Variants in PTPRT observed in about 807,000 individuals in gnomAD.
PTPRT encodes the protein receptor-type tyrosine-protein phosphatase T.
In PTPRT, 56 loss-of-function variants were observed where a neutral mutation model predicts 176.8. The observed-to-expected ratio is 0.32, with a 90% CI of 0.26 to 0.40. PTPRT has a LOEUF of 0.40. Ranked by LOEUF, PTPRT falls within the 10% of genes least tolerant of loss-of-function variation. PTPRT has a pLI of 1.00. For synonymous variants in PTPRT, 783 were observed against 739.0 expected, an observed-to-expected ratio of 1.06 and a Z score of -0.96; for missense variants, 1,540 against 1,908.2, an observed-to-expected ratio of 0.81 and a Z score of 3.60.
chr20:42,725,961 C>T (rs1443212972), intron 6 of PTPRT, among the ~76,000 whole-genome samples: 1 of 151,876 alleles, frequency 6.6e-6, no homozygotes, highest in Non-Finnish European at 1.5e-5. Flanking sequence ...TATAATTTGC[C>T]CACCTCAAAA....
intron 7 of PTPRT, among the ~76,000 whole-genome samples, chr20:42,514,243 G>A (rs1160875728): frequency 1.3e-5 from 2 of 152,172 alleles, no homozygotes; most frequent in Admixed American, 1.3e-4. Context: ...GATCCTGCAT[G>A]TATCGGCACC....
intron 2 of PTPRT, among the ~76,000 whole-genome samples, chr20:42,819,484 C>A (rs780619075): frequency 2.0e-5 from 3 of 152,154 alleles, no homozygotes; most frequent in Admixed American, 1.3e-4. Flanking sequence ...TATGGAGGAA[C>A]TGCATCAACT....
intron 1 of PTPRT, among the ~76,000 whole-genome samples, chr20:43,037,070 C>T (rs1600665615): frequency 1.3e-5 from 2 of 152,162 alleles, no homozygotes; most frequent in Admixed American, 6.5e-5. Context: ...AGGTGAATTG[C>T]CAAATTCAAT....
At chr20:42,469,198 A>G (rs2071151294) in intron 8 of PTPRT, among the ~76,000 whole-genome samples, 1 of 151,878 alleles carries the variant, frequency 6.6e-6, no homozygotes, top group Admixed American at 6.6e-5. Context: ...TAAGATAAGT[A>G]CTTTAATTAT....
At chr20:42,688,285 C>A (rs2075733392) in intron 6 of PTPRT, 1 of 152,250 alleles carries the variant, frequency 6.6e-6, no homozygotes, top group Non-Finnish European at 1.5e-5. Context: ...GGCACAGTAT[C>A]TTTCTGAAGG....
intron 7 of PTPRT, among the ~76,000 whole-genome samples, chr20:42,602,292 C>A (rs570332985): frequency 2.0e-4 from 30 of 152,264 alleles, no homozygotes; most frequent in Admixed American, 1.8e-3. Context: ...CCTAAAAGCT[C>A]CTGCAAGTCT....
In PTPRT at chr20:42,141,116, T is replaced by C. The variant is rs188393455; in HGVS notation, c.2770+799A>G. 1.1e-4 allele frequency among the ~76,000 whole-genome samples: 17 copies of C among 152,260 alleles called. No homozygotes were observed. The East Asian group carries it at 3.3e-3, about 30-fold the overall frequency. ...AAAGCTCATTGTTGAGCAAAGGCAA[T>C]GTCCTTCCTTAGCTCTGCGTAACAT... On this transcript the variant is annotated intron_variant, in intron 18 of 30. Coordinates refer to ENST00000373187, the MANE Select transcript of PTPRT (RefSeq NM_007050.6).
At chr20:42,545,230 A>G (rs775124318) in intron 7 of PTPRT, among the ~76,000 whole-genome samples, 1 of 152,204 alleles carries the variant, frequency 6.6e-6, no homozygotes, top group Non-Finnish European at 1.5e-5. Context: ...GGAATTCCGT[A>G]GTACCGGTCA....
intron 1 of PTPRT, among the ~76,000 whole-genome samples, chr20:43,188,756 G>GGA (rs1386167290): frequency 2.0e-5 from 3 of 150,374 alleles, no homozygotes; most frequent in African/African-American, 7.3e-5. Flanking sequence ...TCTTGGGGGG[G>GGA]GGGGGGCTCG....
intron 5 of PTPRT, among the ~76,000 whole-genome samples, chr20:42,761,290 C>T (rs561150075): frequency 6.6e-6 from 1 of 151,920 alleles, no homozygotes; most frequent in South Asian, 2.1e-4. Context: ...CAAAATTAGC[C>T]GGGCATGGTG....
At chr20:42,371,398 C>G (rs568161521) in intron 9 of PTPRT, among the ~76,000 whole-genome samples, 1 of 152,342 alleles carries the variant, frequency 6.6e-6, no homozygotes, top group South Asian at 2.1e-4. Context: ...TTACAGAGAA[C>G]ACACTAAGAA....
intron 22 of PTPRT, among the ~76,000 whole-genome samples, chr20:42,113,845 G>A (rs1987139556): frequency 1.3e-5 from 2 of 152,210 alleles, no homozygotes; most frequent in South Asian, 4.1e-4. Context: ...TTAGTGGAGG[G>A]AGTTCACAGG....
At chr20:42,340,236 T>G (rs931248767) in intron 11 of PTPRT, among the ~76,000 whole-genome samples, 8 of 152,180 alleles carry the variant, frequency 5.3e-5, no homozygotes, top group Non-Finnish European at 1.0e-4. Context: ...ATAGTTACTG[T>G]ATTGGACAGT....
chr20:42,660,551 T>C (rs769920609), intron 7 of PTPRT, among the ~76,000 whole-genome samples: 9 of 152,246 alleles, frequency 5.9e-5, no homozygotes, highest in Non-Finnish European at 1.3e-4. Flanking sequence ...TTGTTATCAC[T>C]GAGTGATGCT....
At chr20:42,530,373 T>C (rs1221854010) in intron 7 of PTPRT, among the ~76,000 whole-genome samples, 2 of 152,168 alleles carry the variant, frequency 1.3e-5, no homozygotes, top group African/African-American at 4.8e-5. Flanking sequence ...GCAATGTGGC[T>C]CCTATCCATA....
chr20:42,413,911 C>T (rs191866724), intron 9 of PTPRT, among the ~76,000 whole-genome samples: 8 of 152,246 alleles, frequency 5.3e-5, no homozygotes, highest in Admixed American at 2.0e-4. Flanking sequence ...AGTGCAGTGG[C>T]GCAATCTTGG....
intron 6 of PTPRT, among the ~76,000 whole-genome samples, chr20:42,746,371 G>A (rs911709621): frequency 6.6e-6 from 1 of 152,204 alleles, no homozygotes; most frequent in Non-Finnish European, 1.5e-5. Flanking sequence ...CAGAGGCTAA[G>A]GGTGGGGAAC....
chr20:42,164,552 C>T (rs1355546467), intron 16 of PTPRT, among the ~76,000 whole-genome samples: 1 of 152,152 alleles, frequency 6.6e-6, no homozygotes, highest in Non-Finnish European at 1.5e-5. Context: ...AGTATCTTAC[C>T]TCACCTATTC....
chr20:42,780,436 C>T (rs957092733), intron 3 of PTPRT, 137 bp from the exon 4 acceptor site: 22 of 586,306 alleles, frequency 3.8e-5, no homozygotes, highest in African/African-American at 1.9e-4. Context: ...TAAGACAGCA[C>T]GCTACCCTGG....
Sources: gnomAD v4.1 joint callset for allele counts (sites outside exome capture counted in the v4.1 genomes callset) on GRCh38, gnomAD v4.1.1 for gene constraint, MANE v1.5 for transcripts, NCBI Gene and HGNC (gene_info 2026-07-23, HGNC 2026-07-21) for gene names.